CHST3: variants seen among roughly 807,000 people sequenced by gnomAD.
CHST3 encodes the protein carbohydrate sulfotransferase 3.
A neutral mutation model predicts 35.4 loss-of-function variants in CHST3; 20 were observed. The observed-to-expected ratio is 0.57, with a 90% CI of 0.40 to 0.82. The LOEUF is 0.82. Among genes scored for constraint, CHST3 ranks in the 40% least tolerant of loss-of-function variants. CHST3 has a pLI of 0.00. For synonymous variants in CHST3, 334 were observed against 295.9 expected (o/e 1.13, Z -1.32); for missense variants, 693 against 670.1 (o/e 1.03, Z -0.38).
At chr10:71,972,463 C>G (rs1196800612) in intron 1 of CHST3, among the ~76,000 whole-genome samples, 1 of 152,196 alleles carries the variant, frequency 6.6e-6, no homozygotes, top group Non-Finnish European at 1.5e-5. Flanking sequence ...TGCCGGCTGC[C>G]CTGGGCAGGG....
chr10:71,972,457 G>A (rs991609123), intron 1 of CHST3, among the ~76,000 whole-genome samples: 14 of 152,132 alleles, frequency 9.2e-5, no homozygotes, highest in Admixed American at 6.5e-4. Context: ...AGTACCTGCC[G>A]GCTGCCCTGG....
At chr10:71,990,231 G>T (rs1019221759) in intron 1 of CHST3, among the ~76,000 whole-genome samples, 6 of 152,306 alleles carry the variant, frequency 3.9e-5, no homozygotes, top group African/African-American at 1.2e-4. Context: ...GGTTCTGGAG[G>T]CTGGGAAGTC....
intron 1 of CHST3, among the ~76,000 whole-genome samples, chr10:72,001,451 G>T (rs1839992089): frequency 6.6e-6 from 1 of 151,618 alleles, no homozygotes; most frequent in South Asian, 2.1e-4. Flanking sequence ...GCATTGAGGG[G>T]ATGAAAGGTT....
In CHST3 at chr10:71,968,007, G is replaced by A. The variant is rs1041320936; in HGVS notation, c.-108+3313G>A. ...TTTTTTTTTGTATTTTAGTAGAGAC[G>A]AGGTTTCACCATGTTGGCCAGAATG... On this transcript the variant is annotated intron_variant, in intron 1 of 2. Transcript: ENST00000373115. 1.3e-4 allele frequency among the ~76,000 whole-genome samples: 16 copies of A among 126,570 alleles called. 1 individual carries two copies. The South Asian group carries it at 1.9e-3, about 15-fold the overall frequency. 83.0% of individuals were successfully genotyped at this position (126,570 alleles called of 152,430 possible).
intron 1 of CHST3, among the ~76,000 whole-genome samples, chr10:72,003,739 C>CAGCTCT (rs1407586729): frequency 6.6e-6 from 1 of 150,838 alleles, no homozygotes; most frequent in Non-Finnish European, 1.5e-5. Context: ...CTTCTTTCTG[C>CAGCTCT]AGCTGTATTT....
At chr10:72,004,713 G>A (rs1000699782) in intron 1 of CHST3, among the ~76,000 whole-genome samples, 2 of 151,970 alleles carry the variant, frequency 1.3e-5, no homozygotes, top group Non-Finnish European at 2.9e-5. Flanking sequence ...TTTTCTTCCC[G>A]GCATTTGTTT....
intron 1 of CHST3, among the ~76,000 whole-genome samples, chr10:71,971,743 G>A (rs932437801): frequency 2.0e-5 from 3 of 152,236 alleles, no homozygotes; most frequent in South Asian, 2.1e-4. Flanking sequence ...CCACAGGGCA[G>A]GGCCGCAGGT....
rs185437257 is a variant in CHST3, at chr10:71,977,147, A to C, written c.-108+12453A>C. Among the ~76,000 whole-genome samples, 9 of 152,338 alleles carry C rather than the reference A, an allele frequency of 5.9e-5. No individual in the cohort carries two copies. The East Asian group carries it at 1.7e-3, about 29-fold the overall frequency. On this transcript the variant is annotated intron_variant, in intron 1 of 2. Transcript: ENST00000373115. ...GAGGACTGTTATTATGATAACGATCATTGCTAAGGCTGTCCCTTCCCAAAA... is the reference window on the plus strand; with the variant it reads ...GAGGACTGTTATTATGATAACGATCCTTGCTAAGGCTGTCCCTTCCCAAAA...
chr10:71,966,159 T>C (rs1034115627), intron 1 of CHST3, among the ~76,000 whole-genome samples: 1 of 152,048 alleles, frequency 6.6e-6, no homozygotes, highest in Non-Finnish European at 1.5e-5. Flanking sequence ...CTGCTGGGCA[T>C]GTGCTGGGGG....
Position 71,964,528 on chromosome 10 carries a change from G to T in CHST3, c.-274G>T, listed in dbSNP as rs146305825. ...GGCCCCGCAGCGCCTCCATCCCTCCGGCCCGCCCCGGAGAAGACGCACAGC... is the reference window on the plus strand; with the variant it reads ...GGCCCCGCAGCGCCTCCATCCCTCCTGCCCGCCCCGGAGAAGACGCACAGC... On this transcript the variant is annotated 5_prime_UTR_variant, in exon 1 of 3. Transcript: ENST00000373115. 0.019 allele frequency: 2,856 copies of T among 152,002 alleles called. 111 individuals are homozygous for T. The highest frequency in any genetic ancestry group is 0.065 in the African/African-American group (2,702 of 41,378). The allele number at this position is 152,002 out of a possible 1,614,324, so 9.4% of individuals were successfully genotyped here. A position where few individuals can be genotyped will look rare whatever the true frequency, so the allele number is the denominator to read the frequency against.
At chr10:71,990,311 T>C (rs968874031) in intron 1 of CHST3, among the ~76,000 whole-genome samples, 3 of 152,062 alleles carry the variant, frequency 2.0e-5, no homozygotes, top group Non-Finnish European at 4.4e-5. Context: ...CACCTACCTG[T>C]GGCGTCCTTA....
chr10:71,991,514 A>G (rs1224111928), intron 1 of CHST3, among the ~76,000 whole-genome samples: 4 of 152,186 alleles, frequency 2.6e-5, no homozygotes, highest in South Asian at 2.1e-4. Flanking sequence ...AAGACATTCT[A>G]TATTTTGGCT....
intron 1 of CHST3, among the ~76,000 whole-genome samples, chr10:71,991,281 A>T (rs928580374): frequency 6.6e-6 from 1 of 152,204 alleles, no homozygotes; most frequent in Non-Finnish European, 1.5e-5. Flanking sequence ...AAATTCACCC[A>T]CACAGTATAT....
chr10:71,983,565 C>G (rs1266802126), intron 1 of CHST3, among the ~76,000 whole-genome samples: 1 of 152,152 alleles, frequency 6.6e-6, no homozygotes, highest in African/African-American at 2.4e-5. Flanking sequence ...GTTCTCTTGC[C>G]TCAGCCTCCT....
chr10:71,981,689 C>T (rs185211525), intron 1 of CHST3, among the ~76,000 whole-genome samples: 4 of 152,298 alleles, frequency 2.6e-5, no homozygotes, highest in East Asian at 3.9e-4. Flanking sequence ...GGAGTGATTC[C>T]GTTCTGTCCA....
chr10:71,994,220 A>G (rs983252244), intron 1 of CHST3, among the ~76,000 whole-genome samples: 2 of 152,040 alleles, frequency 1.3e-5, no homozygotes, highest in African/African-American at 4.8e-5. Flanking sequence ...AGCCATAATC[A>G]TGCTACTGCA....
At chr10:71,990,466 C>T (rs1839887840) in intron 1 of CHST3, among the ~76,000 whole-genome samples, 1 of 152,180 alleles carries the variant, frequency 6.6e-6, no homozygotes, top group Non-Finnish European at 1.5e-5. Context: ...CACGTTCAAG[C>T]AATTCTCCTG....
chr10:72,000,658 C>T (rs1028685283), intron 1 of CHST3, among the ~76,000 whole-genome samples: 8 of 152,276 alleles, frequency 5.3e-5, no homozygotes, highest in African/African-American at 9.6e-5. Context: ...CTTGAAGGCC[C>T]TTACAGGGCT....
chr10:71,965,967 C>T (rs1312973194), intron 1 of CHST3, among the ~76,000 whole-genome samples: 1 of 152,152 alleles, frequency 6.6e-6, no homozygotes, highest in African/African-American at 2.4e-5. Context: ...ATTTCTGTAT[C>T]TGGCTAAGAT....
Sources: gnomAD v4.1 joint callset for allele counts (sites outside exome capture counted in the v4.1 genomes callset) on GRCh38, gnomAD v4.1.1 for gene constraint, MANE v1.5 for transcripts, NCBI Gene and HGNC (gene_info 2026-07-23, HGNC 2026-07-21) for gene names.